Variants in CLEC16A observed in about 807,000 individuals in gnomAD.
CLEC16A encodes the protein C-type lectin domain containing 16A, also known as protein CLEC16A.
CLEC16A carries 51 observed loss-of-function variants against 109.5 expected under a neutral mutation model. The ratio of observed to expected loss-of-function variants is 0.47; its 90% CI spans 0.37 to 0.59. The LOEUF is 0.59. Among genes scored for constraint, CLEC16A ranks in the 20% least tolerant of loss-of-function variants. The probability of loss-of-function intolerance (pLI) is 0.00; values close to 1 mark genes in which losing one functional copy is unlikely to be tolerated. For synonymous variants in CLEC16A, 673 were observed against 564.2 expected (o/e 1.19, Z -2.73); for missense variants, 1,339 against 1,394.0 (o/e 0.96, Z 0.63).
At chr16:10,979,177 G>A (rs1443939724) in intron 8 of CLEC16A, among the ~76,000 whole-genome samples, 152 bp from the exon 9 acceptor site, 1 of 152,172 alleles carries the variant, frequency 6.6e-6, no homozygotes, top group East Asian at 1.9e-4. Context: ...GGACTTTTGA[G>A]TAGCACCAAG....
At chr16:11,166,746 G>C (rs1476885620) in intron 23 of CLEC16A, among the ~76,000 whole-genome samples, 194 bp downstream of exon 23, 3 of 152,244 alleles carry the variant, frequency 2.0e-5, no homozygotes, top group Admixed American at 2.0e-4. Flanking sequence ...TCAGCTCCCA[G>C]ATGGGGAAGA....
At chr16:10,977,475 T>G in intron 8 of CLEC16A, 76 bp downstream of exon 8, 1 of 1,339,536 alleles carries the variant, frequency 7.5e-7, no homozygotes, top group Non-Finnish European at 1.0e-6. Flanking sequence ...TCCCCTGGAA[T>G]GGGGCTGAGC....
chr16:11,173,978 A>G (rs2068635813), intron 23 of CLEC16A, among the ~76,000 whole-genome samples: 1 of 151,956 alleles, frequency 6.6e-6, no homozygotes, highest in Non-Finnish European at 1.5e-5. Context: ...TCTTCTCTGC[A>G]TGGGGGGCCA....
intron 2 of CLEC16A, 107 bp downstream of exon 2, chr16:10,958,017 G>A (rs921045655): frequency 1.5e-4 from 164 of 1,091,972 alleles, no homozygotes; most frequent in Non-Finnish European, 1.0e-4. Flanking sequence ...ACGCTAATTT[G>A]ATCTTGCCTA....
intron 18 of CLEC16A, among the ~76,000 whole-genome samples, chr16:11,051,958 G>T (rs2047967265): frequency 1.3e-5 from 2 of 152,196 alleles, no homozygotes; most frequent in South Asian, 4.1e-4. Flanking sequence ...GAACCATCGG[G>T]GGTGAGCACG....
intron 19 of CLEC16A, among the ~76,000 whole-genome samples, chr16:11,064,448 C>G (rs2048656328): frequency 6.6e-6 from 1 of 152,214 alleles, no homozygotes; most frequent in Admixed American, 6.5e-5. Flanking sequence ...TCCCCAGAGT[C>G]TTCATGCCTG....
chr16:11,132,467 C>G (rs2053279763), intron 22 of CLEC16A, among the ~76,000 whole-genome samples: 1 of 152,074 alleles, frequency 6.6e-6, no homozygotes, highest in Admixed American at 6.5e-5. Flanking sequence ...CATCAATGCA[C>G]ATTTGGGCTG....
chr16:11,006,404 C>T (rs1242075835), intron 11 of CLEC16A, among the ~76,000 whole-genome samples: 1 of 152,236 alleles, frequency 6.6e-6, no homozygotes, highest in Non-Finnish European at 1.5e-5. Context: ...CCCCTTCTCT[C>T]TCAAGGCCAT....
In CLEC16A at chr16:11,179,485, C is replaced by T. The variant is rs980397845; in HGVS notation, c.*795C>T. The T allele has an allele frequency of 2.0e-5, 3 of 152,214 alleles. No homozygotes were observed. The highest frequency in any genetic ancestry group is 7.2e-5 in the African/African-American group (3 of 41,450). 9.4% of individuals were successfully genotyped at this position (152,214 alleles called of 1,614,324 possible). ...GCTGAATGGTTTTCTGCTATAGCAG[C>T]CGAGAGGCCTCCCATCATGGAAAGA... On this transcript the variant is annotated 3_prime_UTR_variant, in exon 24 of 24. Coordinates refer to ENST00000409790, the MANE Select transcript of CLEC16A (RefSeq NM_015226.3).
intron 22 of CLEC16A, among the ~76,000 whole-genome samples, chr16:11,129,705 T>C (rs957826816): frequency 3.9e-5 from 6 of 152,004 alleles, no homozygotes; most frequent in African/African-American, 1.4e-4. Flanking sequence ...TCAGTGGCCT[T>C]TTCAGATCAG....
Position 10,954,757 on chromosome 16 carries a change from C to G in CLEC16A, c.81-3025C>G, listed in dbSNP as rs1230113761. 1.3e-5 allele frequency among the ~76,000 whole-genome samples: 2 copies of G among 152,218 alleles called. No individual in the cohort carries two copies. Among genetic ancestry groups the G allele is most frequent in the African/African-American group, 2.4e-5 (1 of 41,450 alleles). Reference sequence around the variant, plus strand: ...TGCCTCTCAGGAAATACCAGACTTTCTCTACTTCCTGCTCTGGTTTCGCTG... The same window carrying G: ...TGCCTCTCAGGAAATACCAGACTTTGTCTACTTCCTGCTCTGGTTTCGCTG... On this transcript the variant is annotated intron_variant, in intron 1 of 23. Coordinates refer to ENST00000409790, the MANE Select transcript of CLEC16A (RefSeq NM_015226.3). This position sits in a 1 kb window ranked among gnomAD's most constrained non-coding sequence, Gnocchi z 4.2.
In CLEC16A at chr16:10,944,633, C is replaced by A; in HGVS notation, c.-85C>A. 7.5e-7 allele frequency: 1 copy of A among 1,334,100 alleles called. No individual in the cohort carries two copies. 82.6% of individuals were successfully genotyped at this position (1,334,100 alleles called of 1,614,324 possible). A position where few individuals can be genotyped will look rare whatever the true frequency, so the allele number is the denominator to read the frequency against. ...CCACCGCCTCCGCCGCCGCATCCTC[C>A]GCTTGTGCTACCGCCGCGGGCGCTG... On this transcript the variant is annotated 5_prime_UTR_variant, in exon 1 of 24. Coordinates refer to ENST00000409790, the MANE Select transcript of CLEC16A (RefSeq NM_015226.3).
chr16:11,025,653 T>TTTTTA (rs1468733798), intron 13 of CLEC16A, among the ~76,000 whole-genome samples: 8 of 152,184 alleles, frequency 5.3e-5, no homozygotes, highest in African/African-American at 1.9e-4. Flanking sequence ...AAGTGATATT[T>TTTTTA]TAGTAGGTTT....
intron 19 of CLEC16A, among the ~76,000 whole-genome samples, chr16:11,100,986 T>C (rs1300341597): frequency 1.3e-5 from 2 of 152,194 alleles, no homozygotes; most frequent in Non-Finnish European, 2.9e-5. Flanking sequence ...GACCTTCATT[T>C]TCAGCCCTGC....
intron 11 of CLEC16A, among the ~76,000 whole-genome samples, chr16:11,011,688 A>T (rs2045423409): frequency 6.6e-6 from 1 of 152,210 alleles, no homozygotes. Flanking sequence ...CAGTGGAGAA[A>T]GCTAGGAAAT....
chr16:10,996,010 T>G (rs968195389), intron 10 of CLEC16A, among the ~76,000 whole-genome samples: 1 of 152,130 alleles, frequency 6.6e-6, no homozygotes, highest in African/African-American at 2.4e-5. Flanking sequence ...CTTTACCTGA[T>G]GCCTCTGGCC....
At chr16:11,078,863 T>G (rs1289803485) in intron 19 of CLEC16A, among the ~76,000 whole-genome samples, 1 of 152,194 alleles carries the variant, frequency 6.6e-6, no homozygotes. Context: ...GCCTGTGGTA[T>G]TTAAGCTGTT....
At chr16:10,959,976 C>G (rs1428521914) in intron 2 of CLEC16A, among the ~76,000 whole-genome samples, 1 of 152,148 alleles carries the variant, frequency 6.6e-6, no homozygotes, top group African/African-American at 2.4e-5. Flanking sequence ...CTTAGAAAAG[C>G]TGCTGAGCTC....
intron 12 of CLEC16A, among the ~76,000 whole-genome samples, chr16:11,022,604 A>G (rs2046175827): frequency 1.3e-5 from 2 of 152,022 alleles, no homozygotes; most frequent in African/African-American, 4.8e-5. Context: ...TGGGGGTTAA[A>G]TATAGGCCTA....
Sources: gnomAD v4.1 joint callset for allele counts (sites outside exome capture counted in the v4.1 genomes callset) on GRCh38, gnomAD v4.1.1 for gene constraint, Gnocchi (gnomAD v3.1) non-coding constraint, MANE v1.5 for transcripts, NCBI Gene and HGNC (gene_info 2026-07-23, HGNC 2026-07-21) for gene names.